Variants in ST6GALNAC3 observed in about 807,000 individuals in gnomAD.
The protein encoded by ST6GALNAC3 is ST6 N-acetylgalactosaminide alpha-2,6-sialyltransferase 3.
Under a neutral mutation model 32.7 loss-of-function variants are expected in ST6GALNAC3, and 25 were observed. The ratio of observed to expected loss-of-function variants is 0.76; its 90% CI spans 0.56 to 1.07. The LOEUF is 1.07. Among genes scored for constraint, ST6GALNAC3 ranks in the 50% least tolerant of loss-of-function variants. ST6GALNAC3 has a pLI of 0.00. For synonymous variants in ST6GALNAC3, 129 were observed against 133.1 expected, an observed-to-expected ratio of 0.97 and a Z score of 0.21; for missense variants, 355 against 382.4, an observed-to-expected ratio of 0.93 and a Z score of 0.60.
At chr1:76,531,970 C>T (rs1279539262) in intron 3 of ST6GALNAC3, among the ~76,000 whole-genome samples, 1 of 152,160 alleles carries the variant, frequency 6.6e-6, no homozygotes, top group Non-Finnish European at 1.5e-5. Context: ...TAGCCAAACA[C>T]AGCTGCACAG....
chr1:76,176,745 C>T (rs394007), intron 1 of ST6GALNAC3, among the ~76,000 whole-genome samples: 152,194 of 152,362 alleles, frequency 1, 76,014 homozygotes, highest in Non-Finnish European at 1. Flanking sequence ...ATTTAAAGAA[C>T]AGAGATTTCT....
At chr1:76,457,189 C>T (rs1416749072) in intron 3 of ST6GALNAC3, among the ~76,000 whole-genome samples, 1 of 151,820 alleles carries the variant, frequency 6.6e-6, no homozygotes, top group Non-Finnish European at 1.5e-5. Context: ...AACCACTGCT[C>T]AAGGAAATAA....
intron 1 of ST6GALNAC3, among the ~76,000 whole-genome samples, chr1:76,265,563 C>T (rs1434251225): frequency 2.6e-5 from 4 of 152,082 alleles, no homozygotes; most frequent in African/African-American, 4.8e-5. Flanking sequence ...CTCTTTATTA[C>T]AAACATGCAC....
intron 1 of ST6GALNAC3, among the ~76,000 whole-genome samples, chr1:76,140,384 AC>A (rs1178847414): frequency 2.0e-5 from 3 of 151,676 alleles, no homozygotes; most frequent in Non-Finnish European, 4.4e-5. Context: ...AAAATGTGTG[AC>A]TCCAAAGCTA....
chr1:76,306,087 G>A (rs926371173), intron 1 of ST6GALNAC3, among the ~76,000 whole-genome samples: 16 of 152,032 alleles, frequency 1.1e-4, no homozygotes, highest in African/African-American at 3.9e-4. Flanking sequence ...AAAATTAAGA[G>A]GCTGGTGTGA....
At chr1:76,425,725 A>T (rs949621660) in intron 3 of ST6GALNAC3, among the ~76,000 whole-genome samples, 66 of 152,072 alleles carry the variant, frequency 4.3e-4, no homozygotes, top group African/African-American at 1.6e-3. Context: ...AGAGAGACCA[A>T]ATCTCAAAGT....
At chr1:76,076,486 C>G (rs1167994785) in intron 1 of ST6GALNAC3, among the ~76,000 whole-genome samples, 1 of 152,200 alleles carries the variant, frequency 6.6e-6, no homozygotes, top group Non-Finnish European at 1.5e-5. Context: ...ACTGCTACCT[C>G]TGTGATGTTG....
intron 3 of ST6GALNAC3, among the ~76,000 whole-genome samples, chr1:76,617,700 A>G (rs367782234): frequency 1.7e-4 from 26 of 152,198 alleles, no homozygotes; most frequent in African/African-American, 6.3e-4. Context: ...AATAGACTCA[A>G]TTGTGTTAAA....
intron 1 of ST6GALNAC3, among the ~76,000 whole-genome samples, chr1:76,093,313 C>A (rs1647075457): frequency 6.6e-6 from 1 of 152,204 alleles, no homozygotes; most frequent in South Asian, 2.1e-4. Flanking sequence ...TTACCACGTA[C>A]AATTTTATGG....
At chr1:76,221,514 T>C (rs1655769645) in intron 1 of ST6GALNAC3, among the ~76,000 whole-genome samples, 2 of 152,168 alleles carry the variant, frequency 1.3e-5, no homozygotes, top group Admixed American at 1.3e-4. Flanking sequence ...CTCTAGCCTC[T>C]TTCTGGGCTT....
chr1:76,105,501 C>CTGAAATT (rs2100786989), intron 1 of ST6GALNAC3, among the ~76,000 whole-genome samples: 1 of 116,786 alleles, frequency 8.6e-6, no homozygotes, highest in African/African-American at 4.2e-5. Flanking sequence ...TGCTGACATC[C>CTGAAATT]TGAGATTAGG....
At chr1:76,225,936 CT>C (rs1656041672) in intron 1 of ST6GALNAC3, among the ~76,000 whole-genome samples, 1 of 152,196 alleles carries the variant, frequency 6.6e-6, no homozygotes, top group South Asian at 2.1e-4. Flanking sequence ...ACCCAAAATA[CT>C]ACCAAATATT....
intron 3 of ST6GALNAC3, among the ~76,000 whole-genome samples, chr1:76,440,524 A>G (rs1184060510): frequency 6.6e-6 from 1 of 152,240 alleles, no homozygotes; most frequent in African/African-American, 2.4e-5. Context: ...TATCCACTGC[A>G]GGTGTATCCT....
At chr1:76,088,369 A>G (rs17098071) in intron 1 of ST6GALNAC3, among the ~76,000 whole-genome samples, 8,262 of 152,266 alleles carry the variant, frequency 0.054, 744 homozygotes, top group African/African-American at 0.19. Context: ...AGCTTGCGGA[A>G]ATGAAAATAT....
chr1:76,389,111 A>AG (rs1430022874), intron 2 of ST6GALNAC3, among the ~76,000 whole-genome samples: 1 of 150,822 alleles, frequency 6.6e-6, no homozygotes. Context: ...AAGGGACTAA[A>AG]GGGGAGGATT....
intron 3 of ST6GALNAC3, among the ~76,000 whole-genome samples, chr1:76,526,653 G>A (rs2101808276): frequency 6.6e-6 from 1 of 152,162 alleles, no homozygotes; most frequent in South Asian, 2.1e-4. Context: ...AAATGCCATG[G>A]AGTCAACACT....
rs116438636 is a variant in ST6GALNAC3, at chr1:76,343,068, G to A, written c.213+29069G>A. On this transcript the variant is annotated intron_variant, in intron 2 of 4. Transcript: ENST00000328299. ...CTTTTCTTTTGCTGTGCAGAAGCCC[G>A]TCCGTTTAATTCAGTCCCGTTTGTC... 3.0e-3 allele frequency among the ~76,000 whole-genome samples: 450 copies of A among 152,048 alleles called. 2 individuals carry two copies. The highest frequency in any genetic ancestry group is 9.7e-3 in the African/African-American group (402 of 41,506).
At chr1:76,161,148 C>G (rs1421475420) in intron 1 of ST6GALNAC3, among the ~76,000 whole-genome samples, 2 of 152,218 alleles carry the variant, frequency 1.3e-5, no homozygotes, top group Non-Finnish European at 2.9e-5. Flanking sequence ...CAGATTCTTT[C>G]CAACCTCTAA....
At chr1:76,623,592 A>G (rs1023162980) in intron 3 of ST6GALNAC3, among the ~76,000 whole-genome samples, 7 of 151,938 alleles carry the variant, frequency 4.6e-5, no homozygotes. Context: ...ATTATGAGAC[A>G]GTATTTGGCC....
Sources: allele counts gnomAD v4.1 joint callset (sites outside exome capture counted in the v4.1 genomes callset), GRCh38; gene constraint gnomAD v4.1.1; transcripts MANE v1.5; gene names NCBI Gene and HGNC (gene_info 2026-07-23, HGNC 2026-07-21).